The following ZNF256 variants were observed in gnomAD, a reference collection of about 807,000 sequenced individuals.
The protein encoded by ZNF256 is zinc finger protein 256.
ZNF256 carries 4 observed loss-of-function variants against 7.9 expected under a neutral mutation model. The observed-to-expected ratio is 0.50, with a 90% CI of 0.25 to 1.15. ZNF256 has a LOEUF of 1.15. Among genes scored for constraint, ZNF256 ranks in the 50% most tolerant of loss-of-function variants. ZNF256 has a pLI of 0.15. For missense variants in ZNF256, 666 were observed against 755.9 expected, an observed-to-expected ratio of 0.88 and a Z score of 1.39; for synonymous variants, 260 against 260.4, an observed-to-expected ratio of 1.00 and a Z score of 0.02.
chr19:57,945,878 A>C (rs1017400162), intron 1 of ZNF256, among the ~76,000 whole-genome samples: 1 of 152,188 alleles, frequency 6.6e-6, no homozygotes, highest in African/African-American at 2.4e-5. Flanking sequence ...CTGGTCGTTC[A>C]TCTCACACAC....
chr19:57,947,575 CG>C lies in ZNF256; in HGVS notation c.-102del. On this transcript the variant is annotated 5_prime_UTR_variant, in exon 1 of 3. Coordinates refer to ENST00000282308, the MANE Select transcript of ZNF256 (RefSeq NM_005773.3). ...GAGCCTCAGCCACGCCTCTGTGCAG[CG>C]GGGAAGACTCCTCTCGCGCCTTCTC... 8.8e-7 allele frequency: 1 copy of C among 1,131,376 alleles called. No homozygotes were observed. Among genetic ancestry groups the C allele is most frequent in the Non-Finnish European group, 1.1e-6 (1 of 881,444 alleles). The allele number at this position is 1,131,376 out of a possible 1,614,324, so 70.1% of individuals were successfully genotyped here. A position where few individuals can be genotyped will look rare whatever the true frequency, so the allele number is the denominator to read the frequency against.
chr19:57,947,114 CGT>C (rs1383932592), intron 1 of ZNF256, among the ~76,000 whole-genome samples: 1 of 152,196 alleles, frequency 6.6e-6, no homozygotes, highest in African/African-American at 2.4e-5. Flanking sequence ...CCAAGGGAAA[CGT>C]AGAAAGAGCC....
Position 57,941,678 on chromosome 19 carries a change from C to T in ZNF256, c.1130G>A (p.Arg377Lys). 1 of 1,614,128 alleles carries T rather than the reference C, an allele frequency of 6.2e-7. No individual in the cohort carries two copies. The highest frequency in any genetic ancestry group is 1.1e-5 in the South Asian group (1 of 91,074). Reference protein sequence around the residue: ...ITHQRVHTGTRPYMCSECGKS... With the variant: ...ITHQRVHTGTKPYMCSECGKS... ...CCCACATTCACTGCACATATAAGGC[C>T]TTGTACCAGTGTGAACTCTCTGGTG... is the stretch of plus-strand genomic sequence containing the variant. The change falls in exon 3 of 3, where the codon AGG (arginine) becomes AAG (lysine). Residue 377 changes from arginine (R) to lysine (K), a missense_variant. Transcript: ENST00000282308.
chr19:57,943,528 G>C (rs2072744751), intron 2 of ZNF256, among the ~76,000 whole-genome samples: 1 of 152,198 alleles, frequency 6.6e-6, no homozygotes, highest in Non-Finnish European at 1.5e-5. Flanking sequence ...GGAGGATTTT[G>C]CAAGAGCCAC....
At position 57,942,008 on chromosome 19, in the gene ZNF256, T is replaced by C. The variant is rs1568560435; in HGVS notation, c.800A>G (p.Tyr267Cys). Residue 267 changes from tyrosine (Y) to cysteine (C), a missense_variant, in exon 3 of 3, where the codon TAT (tyrosine) becomes TGT (cysteine). Coordinates refer to ENST00000282308, the MANE Select transcript of ZNF256 (RefSeq NM_005773.3). ...HLRVHTSEKP[Y>C]TCGECGKSYR... ...GGATTTCCCACATTCTCCACATGTA[T>C]AAGGCTTTTCTGAAGTGTGAACTCT... 2 of 1,614,164 alleles carry C rather than the reference T, an allele frequency of 1.2e-6. No individual in the cohort carries two copies. Among genetic ancestry groups the C allele is most frequent in the Middle Eastern group, 1.6e-4 (1 of 6,062 alleles).
Position 57,944,064 on chromosome 19 carries a change from C to A in ZNF256, c.34-4G>T. On this transcript the variant is annotated splice_region_variant and splice_polypyrimidine_tract_variant and intron_variant, in intron 1 of 2. Coordinates refer to ENST00000282308, the MANE Select transcript of ZNF256 (RefSeq NM_005773.3). ...CGTCCTCAAAGGTCACAATGCCCTG[C>A]CAGGATGGGGACACATGAAACCACA... 6.2e-7 allele frequency: 1 copy of A among 1,613,602 alleles called. No homozygotes were observed. The highest frequency in any genetic ancestry group is 8.5e-7 in the Non-Finnish European group (1 of 1,179,670).
chr19:57,947,537 C>T lies in ZNF256; in HGVS notation c.-63G>A. On this transcript the variant is annotated 5_prime_UTR_variant, in exon 1 of 3. Coordinates refer to ENST00000282308, the MANE Select transcript of ZNF256 (RefSeq NM_005773.3). ...CTTATTCCGGGCCGGGCCTGGGTAC[C>T]CTGGGCGCCGCCGAGCCTCAGCCAC... 2 of 1,244,602 alleles carry T rather than the reference C, an allele frequency of 1.6e-6. No individual in the cohort carries two copies. Among genetic ancestry groups the T allele is most frequent in the Non-Finnish European group, 2.0e-6 (2 of 984,432 alleles). 77.1% of individuals were successfully genotyped at this position (1,244,602 alleles called of 1,614,324 possible).
At position 57,941,854 on chromosome 19, in the gene ZNF256, A is replaced by G. The variant is rs200367908; in HGVS notation, c.954T>C (p.Thr318=). The change falls in exon 3 of 3, where the codon ACT becomes ACC. Residue 318 remains threonine, a synonymous_variant. Transcript: ENST00000282308. ...CACTGCACTTGTAAGGCCTTTCTCC[A>G]GTATGAACTCTCTGATGTATAAGAA... ...YDLLIHQRVH[T]GERPYKCSEC... is the part of the protein sequence containing the mutation. 19 of 1,614,258 alleles carry G rather than the reference A, an allele frequency of 1.2e-5. No homozygotes were observed. The Admixed American group carries it at 3.0e-4, about 25-fold the overall frequency.
rs1230645085 is a variant in ZNF256, at chr19:57,941,727, T to A, written c.1081A>T (p.Ile361Phe). The change falls in exon 3 of 3, where the codon ATC (isoleucine) becomes TTC (phenylalanine). Residue 361 changes from isoleucine (I) to phenylalanine (F), a missense_variant. Physicochemically the swap from Ile to Phe is conservative, Grantham distance 21. Transcript: ENST00000282308. Reference protein sequence around the residue: ...YECSECGKSFIHSSSLITHQR... With the variant: ...YECSECGKSFFHSSSLITHQR... ...TGTGTAATAAGGCTAGAACTATGGA[T>A]AAAAGATTTCCCACATTCACTGCAC... 8.1e-6 allele frequency: 13 copies of A among 1,614,020 alleles called. No homozygotes were observed. Among genetic ancestry groups the A allele is most frequent in the Non-Finnish European group, 1.1e-5 (13 of 1,180,014 alleles).
intron 1 of ZNF256, among the ~76,000 whole-genome samples, chr19:57,944,888 G>A (rs1600197634): frequency 6.6e-6 from 1 of 151,546 alleles, no homozygotes; most frequent in Non-Finnish European, 1.5e-5. Flanking sequence ...CGTGACATTG[G>A]ACAAATGAGA....
chr19:57,947,285 G>T lies in ZNF256; in HGVS notation c.33+157C>A, dbSNP rs1600198906. Among the ~76,000 whole-genome samples the T allele has an allele frequency of 2.0e-5, 3 of 152,282 alleles. 1 individual carries two copies. The highest frequency in any genetic ancestry group is 2.0e-4 in the Admixed American group (3 of 15,306). On this transcript the variant is annotated intron_variant, in intron 1 of 2. Coordinates refer to ENST00000282308, the MANE Select transcript of ZNF256 (RefSeq NM_005773.3). ...TCATCAGGGGCTCCTTGCCAGTCGCGCCCTCCCTTCCCTAGCACACCAGGT... is the reference window on the plus strand; with the variant it reads ...TCATCAGGGGCTCCTTGCCAGTCGCTCCCTCCCTTCCCTAGCACACCAGGT...
chr19:57,944,509 C>A (rs1407182899), intron 1 of ZNF256, among the ~76,000 whole-genome samples: 2 of 152,214 alleles, frequency 1.3e-5, no homozygotes, highest in African/African-American at 4.8e-5. Context: ...CTGGCTTCCC[C>A]ACATGCTACC....
At chr19:57,943,893 A>C (rs1012132030) in intron 2 of ZNF256, 41 bp downstream of exon 2, 1 of 1,606,376 alleles carries the variant, frequency 6.2e-7, no homozygotes, top group African/African-American at 1.3e-5. Context: ...GGTAAGAGCA[A>C]AGGCTAGCTC....
chr19:57,942,783 G>A (rs2072739870), intron 2 of ZNF256, 136 bp from the exon 3 acceptor site: 2 of 1,002,882 alleles, frequency 2.0e-6, no homozygotes, highest in Non-Finnish European at 2.9e-6. Flanking sequence ...TTGGGTTCAA[G>A]TTGAAGATAG....
At chr19:57,944,721 G>A (rs2072754497) in intron 1 of ZNF256, among the ~76,000 whole-genome samples, 1 of 152,096 alleles carries the variant, frequency 6.6e-6, no homozygotes, top group South Asian at 2.1e-4. Flanking sequence ...CTACTCAGGA[G>A]GCTGAGGCAG....
chr19:57,944,673 G>T (rs1160910528), intron 1 of ZNF256, among the ~76,000 whole-genome samples: 1 of 152,000 alleles, frequency 6.6e-6, no homozygotes, highest in East Asian at 2.0e-4. Flanking sequence ...AAATACAAAA[G>T]ATCAGCCAGG....
chr19:57,944,150 C>T, intron 1 of ZNF256, 90 bp from the exon 2 acceptor site: 1 of 1,576,706 alleles, frequency 6.3e-7, no homozygotes, highest in Non-Finnish European at 8.6e-7. Context: ...CATGCTCATC[C>T]TCTTTCCAAG....
chr19:57,946,308 C>T (rs1368270014), intron 1 of ZNF256, among the ~76,000 whole-genome samples: 1 of 152,186 alleles, frequency 6.6e-6, no homozygotes, highest in Non-Finnish European at 1.5e-5. Context: ...GCCCACTTAA[C>T]GCCTCCATTT....
chr19:57,945,778 T>C (rs2072762478), intron 1 of ZNF256, among the ~76,000 whole-genome samples: 1 of 152,212 alleles, frequency 6.6e-6, no homozygotes, highest in African/African-American at 2.4e-5. Context: ...GAATCACAGA[T>C]AACCATGGCC....
Sources: allele counts gnomAD v4.1 joint callset (sites outside exome capture counted in the v4.1 genomes callset), GRCh38; gene constraint gnomAD v4.1.1; transcripts MANE v1.5; gene names NCBI Gene and HGNC (gene_info 2026-07-23, HGNC 2026-07-21).